Variants in FLRT2 observed in about 807,000 individuals in gnomAD.
The protein encoded by FLRT2 is fibronectin leucine rich transmembrane protein 2.
A neutral mutation model predicts 40.0 loss-of-function variants in FLRT2; 15 were observed. The ratio of observed to expected loss-of-function variants is 0.38; its 90% CI spans 0.25 to 0.58. FLRT2 has a LOEUF of 0.58. Ranked by LOEUF, FLRT2 falls within the 20% of genes least tolerant of loss-of-function variation. FLRT2 has a pLI of 0.71. For missense variants in FLRT2, 726 were observed against 840.0 expected, an observed-to-expected ratio of 0.86 and a Z score of 1.68; for synonymous variants, 380 against 336.8, an observed-to-expected ratio of 1.13 and a Z score of -1.41.
chr14:85,600,468 T>C (rs1413289337), intron 1 of FLRT2, among the ~76,000 whole-genome samples: 1 of 152,124 alleles, frequency 6.6e-6, no homozygotes, highest in Admixed American at 6.5e-5. Context: ...CCCACGTTTA[T>C]GTGCAGGGAA....
chr14:85,556,170 G>A (rs1889948134), intron 1 of FLRT2, among the ~76,000 whole-genome samples: 1 of 152,092 alleles, frequency 6.6e-6, no homozygotes, highest in African/African-American at 2.4e-5. Flanking sequence ...TTTTTAAAAA[G>A]TTTGGTATCC....
chr14:85,582,965 G>T (rs1450400306), intron 1 of FLRT2, among the ~76,000 whole-genome samples: 2 of 151,738 alleles, frequency 1.3e-5, no homozygotes, highest in East Asian at 3.9e-4. Context: ...CAGCTCTGGA[G>T]GTTAAAGCTA....
At position 85,643,286 on chromosome 14, in the gene FLRT2, C is replaced by CTTTT. The variant is rs1217967785; in HGVS notation, c.*19794_*19797dup. 1.8e-3 allele frequency: 268 copies of CTTTT among 146,682 alleles called. 4 individuals carry two copies. Among genetic ancestry groups the CTTTT allele is most frequent in the Middle Eastern group, 3.5e-3 (1 of 286 alleles). The allele number at this position is 146,682 out of a possible 1,614,324, so 9.1% of individuals were successfully genotyped here. A position where few individuals can be genotyped will look rare whatever the true frequency, so the allele number is the denominator to read the frequency against. ...TCATGAGAGAGTTCAGAGGGTATTTCTTTTTTTTCTTTCTTTCTTTCTTTC... is the reference window on the plus strand; with the variant it reads ...TCATGAGAGAGTTCAGAGGGTATTTCTTTTTTTTTTTTCTTTCTTTCTTTCTTTC... On this transcript the variant is annotated 3_prime_UTR_variant, in exon 2 of 2. Coordinates refer to ENST00000330753, the MANE Select transcript of FLRT2 (RefSeq NM_013231.6).
rs968530077 is a variant in FLRT2, at chr14:85,649,146, T to C, written c.*25649T>C. On this transcript the variant is annotated 3_prime_UTR_variant, in exon 2 of 2. Transcript: ENST00000330753. ...GAAGCATATATGTAAAAATATACCT[T>C]TTAGAAATGATTTTAGAATCTGGAA... 2.0e-5 allele frequency: 3 copies of C among 152,110 alleles called. No individual in the cohort carries two copies. The highest frequency in any genetic ancestry group is 7.2e-5 in the African/African-American group (3 of 41,436). 9.4% of individuals were successfully genotyped at this position (152,110 alleles called of 1,614,324 possible).
In FLRT2 at chr14:85,566,222, A is replaced by C. The variant is rs1890608205; in HGVS notation, c.-377+35688A>C. Among the ~76,000 whole-genome samples, 11 of 152,288 alleles carry C rather than the reference A, an allele frequency of 7.2e-5. 1 individual carries two copies. In the South Asian group the frequency reaches 2.1e-3, roughly 29 times the overall value. Reference sequence around the variant, plus strand: ...ACAGATTCTACCTGGTTAGAGACCCACTATCACAATGATACTTGGCCTAAT... The same window carrying C: ...ACAGATTCTACCTGGTTAGAGACCCCCTATCACAATGATACTTGGCCTAAT... On this transcript the variant is annotated intron_variant, in intron 1 of 1. Coordinates refer to ENST00000330753, the MANE Select transcript of FLRT2 (RefSeq NM_013231.6).
At chr14:85,537,607 C>T (rs1158807261) in intron 1 of FLRT2, among the ~76,000 whole-genome samples, 3 of 151,912 alleles carry the variant, frequency 2.0e-5, no homozygotes, top group Admixed American at 1.3e-4. Context: ...AACACACACA[C>T]ACACACACAC....
intron 1 of FLRT2, among the ~76,000 whole-genome samples, chr14:85,541,344 A>G (rs1019342361): frequency 6.6e-6 from 1 of 152,140 alleles, no homozygotes; most frequent in Non-Finnish European, 1.5e-5. Context: ...GTAAGGCATG[A>G]TCCCTCCACT....
In FLRT2 at chr14:85,646,884, G is replaced by T. The variant is rs1451968188; in HGVS notation, c.*23387G>T. On this transcript the variant is annotated 3_prime_UTR_variant, in exon 2 of 2. Transcript: ENST00000330753. The stretch of plus-strand genomic sequence containing the variant: ...TCCTCTCTGATGGTATGGTTATGTG[G>T]ACCAGAACTGAAGTTTAAGGAAGGG... 1 of 152,116 alleles carries T rather than the reference G, an allele frequency of 6.6e-6. No individual in the cohort carries two copies. Among genetic ancestry groups the T allele is most frequent in the African/African-American group, 2.4e-5 (1 of 41,414 alleles). 9.4% of individuals were successfully genotyped at this position (152,116 alleles called of 1,614,324 possible).
intron 1 of FLRT2, among the ~76,000 whole-genome samples, chr14:85,617,924 T>C (rs1207175186): frequency 6.6e-6 from 1 of 152,198 alleles, no homozygotes; most frequent in Non-Finnish European, 1.5e-5. Context: ...GTAATCTTAT[T>C]AGGAGCTTTC....
intron 1 of FLRT2, among the ~76,000 whole-genome samples, chr14:85,567,009 CAG>C (rs1289674034): frequency 6.6e-6 from 1 of 152,094 alleles, no homozygotes; most frequent in Non-Finnish European, 1.5e-5. Flanking sequence ...ATGATTGAAA[CAG>C]TGTCATTGAA....
chr14:85,536,170 G>A (rs774765026), intron 1 of FLRT2, among the ~76,000 whole-genome samples: 1 of 151,924 alleles, frequency 6.6e-6, no homozygotes, highest in East Asian at 1.9e-4. Context: ...TCTGATGCCC[G>A]TTACATTTAT....
intron 1 of FLRT2, among the ~76,000 whole-genome samples, chr14:85,543,090 AG>A (rs1889074158): frequency 6.6e-6 from 1 of 152,158 alleles, no homozygotes; most frequent in Non-Finnish European, 1.5e-5. Flanking sequence ...GTAAGTTTAG[AG>A]TTTATTGTAA....
At chr14:85,608,224 A>G (rs1892710011) in intron 1 of FLRT2, among the ~76,000 whole-genome samples, 1 of 151,678 alleles carries the variant, frequency 6.6e-6, no homozygotes, top group Non-Finnish European at 1.5e-5. Flanking sequence ...TGCTTGATAA[A>G]TGATTTTTTT....
At chr14:85,537,414 T>G (rs2139803527) in intron 1 of FLRT2, among the ~76,000 whole-genome samples, 1 of 152,308 alleles carries the variant, frequency 6.6e-6, no homozygotes, top group Non-Finnish European at 1.5e-5. Context: ...TAGCTATTAT[T>G]ATTATTAAAG....
At chr14:85,567,468 G>T (rs1184535799) in intron 1 of FLRT2, among the ~76,000 whole-genome samples, 2 of 152,160 alleles carry the variant, frequency 1.3e-5, no homozygotes, top group Non-Finnish European at 1.5e-5. Context: ...TTATATCTTA[G>T]CTCTGCCACT....
intron 1 of FLRT2, among the ~76,000 whole-genome samples, chr14:85,598,236 G>A (rs1023677146): frequency 2.0e-5 from 3 of 152,246 alleles, no homozygotes; most frequent in African/African-American, 7.2e-5. Flanking sequence ...ATTTTGGATC[G>A]GAGTTGTTAC....
In FLRT2 at chr14:85,608,826, C is replaced by T. The variant is rs891325417; in HGVS notation, c.-376-12313C>T. ...ACAGGCCCACGCAAACATTTGCCAGCGTCCTGAGCAAGAACATGGGGAGAG... is the reference window on the plus strand; with the variant it reads ...ACAGGCCCACGCAAACATTTGCCAGTGTCCTGAGCAAGAACATGGGGAGAG... On this transcript the variant is annotated intron_variant, in intron 1 of 1. Transcript: ENST00000330753. 4.6e-5 allele frequency among the ~76,000 whole-genome samples: 7 copies of T among 152,220 alleles called. No homozygotes were observed. In the East Asian group the frequency reaches 9.7e-4, roughly 21 times the overall value.
rs577438676 is a variant in FLRT2, at chr14:85,652,083, A to T, written c.*28586A>T. On this transcript the variant is annotated 3_prime_UTR_variant, in exon 2 of 2. Coordinates refer to ENST00000330753, the MANE Select transcript of FLRT2 (RefSeq NM_013231.6). ...AATCAGCTGTTTATTAAAAAAAGCA[A>T]TGAGCAAGGAACAACAAAGTCTCCT... 15 of 152,244 alleles carry T rather than the reference A, an allele frequency of 9.9e-5. No individual in the cohort carries two copies. Among genetic ancestry groups the T allele is most frequent in the African/African-American group, 3.4e-4 (14 of 41,578 alleles). 9.4% of individuals were successfully genotyped at this position (152,244 alleles called of 1,614,324 possible). A position where few individuals can be genotyped will look rare whatever the true frequency, so the allele number is the denominator to read the frequency against.
Position 85,626,632 on chromosome 14 carries a change from G to A in FLRT2, c.*3135G>A, listed in dbSNP as rs186273266. On this transcript the variant is annotated 3_prime_UTR_variant, in exon 2 of 2. Transcript: ENST00000330753. ...AGACTCTGGGCCACCCTCAAACACC[G>A]TCAGATGCATTAGCAGCCCACTGCA... The A allele has an allele frequency of 1.7e-4, 29 of 167,222 alleles. No homozygotes were observed. The highest frequency in any genetic ancestry group is 3.5e-4 in the Non-Finnish European group (24 of 68,120). The allele number at this position is 167,222 out of a possible 1,614,324, so 10.4% of individuals were successfully genotyped here.
Sources: allele counts gnomAD v4.1 joint callset (sites outside exome capture counted in the v4.1 genomes callset), GRCh38; gene constraint gnomAD v4.1.1; transcripts MANE v1.5; gene names NCBI Gene and HGNC (gene_info 2026-07-23, HGNC 2026-07-21).